The following PLD5 variants were observed in gnomAD, a reference collection of about 807,000 sequenced individuals.
PLD5 encodes the protein inactive phospholipase D5.
A neutral mutation model predicts 61.1 loss-of-function variants in PLD5; 36 were observed. That is an observed-to-expected ratio of 0.59 (90% CI 0.45 to 0.78). PLD5 has a LOEUF of 0.78. Ranked by LOEUF, PLD5 falls within the 30% of genes least tolerant of loss-of-function variation. The pLI, the probability that PLD5 is intolerant of heterozygous loss-of-function variation, is 0.00. For missense variants in PLD5, 515 were observed against 644.4 expected (o/e 0.80, Z 2.17); for synonymous variants, 243 against 242.8 (o/e 1.00, Z -0.01).
chr1:242,227,974 G>T (rs980842050), intron 4 of PLD5, among the ~76,000 whole-genome samples: 1 of 152,094 alleles, frequency 6.6e-6, no homozygotes, highest in Non-Finnish European at 1.5e-5. Context: ...CTTCCGTTCC[G>T]AATCTTCTCC....
intron 4 of PLD5, among the ~76,000 whole-genome samples, chr1:242,246,810 C>T (rs1016766590): frequency 5.3e-5 from 8 of 152,010 alleles, no homozygotes; most frequent in African/African-American, 1.9e-4. Context: ...CCTGAGAAAG[C>T]GTGCTTGCAG....
At chr1:242,454,966 C>A (rs994665161) in intron 1 of PLD5, among the ~76,000 whole-genome samples, 3 of 152,128 alleles carry the variant, frequency 2.0e-5, no homozygotes, top group Admixed American at 6.5e-5. Context: ...CAGGAGGGAG[C>A]CCCAGCACAA....
intron 5 of PLD5, among the ~76,000 whole-genome samples, chr1:242,166,650 T>G (rs1266028487): frequency 6.6e-6 from 1 of 152,252 alleles, no homozygotes; most frequent in Non-Finnish European, 1.5e-5. Context: ...CTTTAGTTAC[T>G]GACTCATTAT....
rs1042471248 is a variant in PLD5, at chr1:242,256,743, C to G, written c.607+8594G>C. On this transcript the variant is annotated intron_variant, in intron 4 of 9. Transcript: ENST00000536534. The surrounding 1 kb of genome is among the most constrained non-coding windows in gnomAD (Gnocchi z 5.7). The stretch of plus-strand genomic sequence containing the variant: ...TTACAGCAGCACAAATGAACTAAGA[C>G]TATCATCTATCTATCTATCTATCTA... Among the ~76,000 whole-genome samples, 1 of 141,904 alleles carries G rather than the reference C, an allele frequency of 7.0e-6. No homozygotes were observed. The highest frequency in any genetic ancestry group is 2.7e-5 in the African/African-American group (1 of 37,394). 93.1% of individuals were successfully genotyped at this position (141,904 alleles called of 152,430 possible). A position where few individuals can be genotyped will look rare whatever the true frequency, so the allele number is the denominator to read the frequency against.
intron 1 of PLD5, among the ~76,000 whole-genome samples, chr1:242,471,513 A>G (rs901870641): frequency 4.6e-5 from 7 of 152,050 alleles, no homozygotes; most frequent in African/African-American, 1.7e-4. Flanking sequence ...CTAGACCCTC[A>G]AGGTTTAGTT....
upstream of PLD5, among the ~76,000 whole-genome samples, chr1:242,526,242 C>T (rs1323054215): frequency 7.2e-5 from 11 of 152,054 alleles, no homozygotes; most frequent in Admixed American, 3.3e-4. Flanking sequence ...ATAAATTAGC[C>T]AGGCGTGGTG....
rs373764718 is a variant in PLD5, at chr1:242,390,280, G to A, written c.190-42038C>T. ...TCACCTTGTTGGCCAGGTTGGTCTC[G>A]AAGATACAAATTATTAAAGCTCCTT... On this transcript the variant is annotated intron_variant, in intron 1 of 9. Coordinates refer to ENST00000536534, the MANE Select transcript of PLD5 (RefSeq NM_001372062.1). 3.3e-5 allele frequency among the ~76,000 whole-genome samples: 5 copies of A among 152,086 alleles called. No homozygotes were observed. The East Asian group carries it at 7.7e-4, about 24-fold the overall frequency.
At chr1:242,518,547 C>G (rs1558164931) in intron 1 of PLD5, among the ~76,000 whole-genome samples, 1 of 152,082 alleles carries the variant, frequency 6.6e-6, no homozygotes, top group Non-Finnish European at 1.5e-5. Context: ...TCAAAGGACT[C>G]ATCAGATTTA....
intron 5 of PLD5, chr1:242,203,546 T>G (rs993421747): frequency 6.6e-6 from 1 of 152,230 alleles, no homozygotes; most frequent in African/African-American, 2.4e-5. Context: ...CTTAGCACTA[T>G]CCCCTCGGTG....
chr1:242,155,959 T>G (rs1007182939), intron 5 of PLD5, among the ~76,000 whole-genome samples: 1 of 152,112 alleles, frequency 6.6e-6, no homozygotes, highest in Non-Finnish European at 1.5e-5. Context: ...ATGTTAAAGT[T>G]TCCCACTATT....
chr1:242,264,750 T>C (rs919257053), intron 4 of PLD5, among the ~76,000 whole-genome samples: 2 of 152,128 alleles, frequency 1.3e-5, no homozygotes, highest in African/African-American at 4.8e-5. Context: ...CAGTAAAAAC[T>C]ATTTGGATGT....
intron 8 of PLD5, among the ~76,000 whole-genome samples, chr1:242,101,616 C>A (rs145897802): frequency 6.6e-6 from 1 of 152,282 alleles, no homozygotes; most frequent in East Asian, 1.9e-4. Context: ...TGCGTGGAAC[C>A]TTGTGGAATG....
Position 242,252,446 on chromosome 1 carries a change from C to G in PLD5, c.607+12891G>C, listed in dbSNP as rs545866258. Among the ~76,000 whole-genome samples the G allele has an allele frequency of 9.0e-3, 1,365 of 152,258 alleles. 20 individuals carry two copies. Among genetic ancestry groups the G allele is most frequent in the African/African-American group, 0.031 (1,304 of 41,536 alleles). On this transcript the variant is annotated intron_variant, in intron 4 of 9. Coordinates refer to ENST00000536534, the MANE Select transcript of PLD5 (RefSeq NM_001372062.1). ...ATATGTCTCTAGCCAGTCATGGTGG[C>G]CCACACCTGTAATCCCAGCACTTGG...
At position 242,223,851 on chromosome 1, in the gene PLD5, TAGAG is replaced by T. The variant is rs34987274; in HGVS notation, c.608-3740_608-3737del. ...ATTAATAGCTGTAGATATATATAAA[TAGAG>T]AGAGAGAGAGAGAGAGAGAGAGAGA... On this transcript the variant is annotated intron_variant, in intron 4 of 9. Coordinates refer to ENST00000536534, the MANE Select transcript of PLD5 (RefSeq NM_001372062.1). 8.1e-3 allele frequency among the ~76,000 whole-genome samples: 1,162 copies of T among 143,768 alleles called. 5 individuals are homozygous for T. Among genetic ancestry groups the T allele is most frequent in the African/African-American group, 0.015 (569 of 38,906 alleles). The allele number at this position is 143,768 out of a possible 152,430, so 94.3% of individuals were successfully genotyped here.
At chr1:242,335,951 G>A (rs910811921) in intron 2 of PLD5, among the ~76,000 whole-genome samples, 16 of 152,126 alleles carry the variant, frequency 1.1e-4, no homozygotes, top group African/African-American at 3.4e-4. Context: ...TAATTATTTG[G>A]ATTACTGTAT....
chr1:242,155,998 G>A (rs1450566741), intron 5 of PLD5, among the ~76,000 whole-genome samples: 1 of 152,126 alleles, frequency 6.6e-6, no homozygotes, highest in Non-Finnish European at 1.5e-5. Flanking sequence ...TCTCTTTGTA[G>A]GTTTCTAAGA....
At chr1:242,098,486 C>T (rs1414829909) in intron 9 of PLD5, among the ~76,000 whole-genome samples, 3 of 152,126 alleles carry the variant, frequency 2.0e-5, no homozygotes, top group Non-Finnish European at 2.9e-5. Context: ...GTTTTTAACT[C>T]CTTTGCCATG....
chr1:242,478,709 G>A (rs1025460264), intron 1 of PLD5, among the ~76,000 whole-genome samples: 6 of 152,118 alleles, frequency 3.9e-5, no homozygotes, highest in Admixed American at 6.5e-5. Context: ...GCTAGGCATC[G>A]GGCAGATGTA....
At chr1:242,198,167 G>T (rs1416763582) in intron 5 of PLD5, among the ~76,000 whole-genome samples, 2 of 152,176 alleles carry the variant, frequency 1.3e-5, no homozygotes, top group African/African-American at 4.8e-5. Flanking sequence ...CTAGTTTGCG[G>T]CAGGCCAAGT....
Sources: allele counts gnomAD v4.1 joint callset (sites outside exome capture counted in the v4.1 genomes callset), GRCh38; gene constraint gnomAD v4.1.1; non-coding constraint Gnocchi (gnomAD v3.1); transcripts MANE v1.5; gene names NCBI Gene and HGNC (gene_info 2026-07-23, HGNC 2026-07-21).